DENND2B: variants seen among roughly 807,000 people sequenced by gnomAD.
DENND2B encodes the protein DENN domain-containing protein 2B.
In DENND2B, 32 loss-of-function variants were observed where a neutral mutation model predicts 116.0. The ratio of observed to expected loss-of-function variants is 0.28; its 90% CI spans 0.21 to 0.37. The LOEUF (loss-of-function observed/expected upper bound fraction) is 0.37, where lower values mean the gene tolerates loss of function less well. Ranked by LOEUF, DENND2B falls within the 10% of genes least tolerant of loss-of-function variation. The pLI is 1.00. For missense variants in DENND2B, 1,276 were observed against 1,477.7 expected, an observed-to-expected ratio of 0.86 and a Z score of 2.24; for synonymous variants, 588 against 583.9, an observed-to-expected ratio of 1.01 and a Z score of -0.10.
rs545121675 is a variant in DENND2B at position 8,852,208 on chromosome 11, G to C, written c.-156+5135C>G. ...CATGCAATTTCGGCGTGGCAGAAGG[G>C]CAGGGTGCAAGTGGAGGACTGAAGT... On this transcript the variant is annotated intron_variant, in intron 3 of 6. Transcript: ENST00000524757. Among the ~76,000 whole-genome samples the C allele has an allele frequency of 6.6e-5, 10 of 152,316 alleles. No homozygotes were observed. The South Asian group carries it at 2.1e-3, about 32-fold the overall frequency.
At chr11:8,832,451 C>CGA (rs2062248901) in intron 4 of DENND2B, 1 of 100,662 alleles carries the variant, frequency 9.9e-6, no homozygotes, top group East Asian at 2.6e-4. Flanking sequence ...ACTCTGTCTC[C>CGA]AAAAAAAAAA....
At chr11:8,842,691 T>C (rs776368687) in intron 3 of DENND2B, among the ~76,000 whole-genome samples, 1 of 152,224 alleles carries the variant, frequency 6.6e-6, no homozygotes, top group Non-Finnish European at 1.5e-5. Context: ...CACAGTCTTA[T>C]TTCACTGCAC....
intron 19 of DENND2B, 116 bp downstream of exon 19, chr11:8,695,347 G>A (rs2040171750): frequency 6.1e-6 from 6 of 975,848 alleles, no homozygotes; most frequent in South Asian, 2.8e-5. Flanking sequence ...ATCCTGTTCT[G>A]TCTACAGCCC....
intron 1 of DENND2B, among the ~76,000 whole-genome samples, chr11:8,768,982 A>G (rs748405906): frequency 6.6e-6 from 1 of 152,186 alleles, no homozygotes; most frequent in Non-Finnish European, 1.5e-5. Flanking sequence ...CAGGAACCTC[A>G]TGGAAGAAGC....
In DENND2B at chr11:8,707,407, C is replaced by T. The variant is rs186298993; in HGVS notation, c.2431-182G>A. 8 of 791,618 alleles carry T rather than the reference C, an allele frequency of 1.0e-5. No individual in the cohort carries two copies. In the Admixed American group the frequency reaches 2.4e-4, roughly 24 times the overall value. The allele number at this position is 791,618 out of a possible 1,614,324, so 49.0% of individuals were successfully genotyped here. On this transcript the variant is annotated intron_variant, in intron 12 of 19. Coordinates refer to ENST00000313726, the MANE Select transcript of DENND2B (RefSeq NM_213618.2). This position sits in a 1 kb window ranked among gnomAD's most constrained non-coding sequence, Gnocchi z 4.8. ...CCGTTTTCCTTGGCACTCAGTGACTCCTCTGTTCCCTAACTGGCCTTGCTT... is the reference window on the plus strand; with the variant it reads ...CCGTTTTCCTTGGCACTCAGTGACTTCTCTGTTCCCTAACTGGCCTTGCTT...
At chr11:8,863,983 G>C (rs1566065264) in intron 2 of DENND2B, among the ~76,000 whole-genome samples, 1 of 152,102 alleles carries the variant, frequency 6.6e-6, no homozygotes, top group Non-Finnish European at 1.5e-5. Context: ...GGCAGTCCTG[G>C]AGAAAGACAG....
chr11:8,727,676 C>T (rs750808387), intron 3 of DENND2B, among the ~76,000 whole-genome samples: 50 of 152,326 alleles, frequency 3.3e-4, no homozygotes, highest in Non-Finnish European at 6.5e-4. Flanking sequence ...CATCCAATGG[C>T]TGAGCACAGT....
At chr11:8,790,566 C>T (rs554805034) in intron 1 of DENND2B, among the ~76,000 whole-genome samples, 23 of 151,998 alleles carry the variant, frequency 1.5e-4, no homozygotes, top group Non-Finnish European at 2.6e-4. Flanking sequence ...CCCAAGAGTT[C>T]GAGACCAACC....
chr11:8,808,777 T>C (rs2061110552), intron 1 of DENND2B: 2 of 152,210 alleles, frequency 1.3e-5, no homozygotes, highest in African/African-American at 4.8e-5. Flanking sequence ...TTGTTCTTAT[T>C]ACCTCCATCT....
At chr11:8,747,427 A>G (rs951605901) in intron 2 of DENND2B, among the ~76,000 whole-genome samples, 2 of 151,496 alleles carry the variant, frequency 1.3e-5, no homozygotes, top group East Asian at 1.9e-4. Context: ...ATCTCCTGAG[A>G]GCAGTAAGTG....
chr11:8,725,950 G>T, intron 4 of DENND2B, 123 bp downstream of exon 4: 2 of 1,395,762 alleles, frequency 1.4e-6, no homozygotes, highest in Non-Finnish European at 2.0e-6. Flanking sequence ...ATTCCAGGAG[G>T]AGTTCCAGAA....
chr11:8,851,828 T>C (rs950310324), intron 3 of DENND2B, among the ~76,000 whole-genome samples: 1 of 152,156 alleles, frequency 6.6e-6, no homozygotes, highest in African/African-American at 2.4e-5. Context: ...TATATTTTGG[T>C]ATATATATAA....
chr11:8,868,151 C>T (rs60631733), intron 2 of DENND2B, among the ~76,000 whole-genome samples: 1,940 of 152,296 alleles, frequency 0.013, 49 homozygotes, highest in African/African-American at 0.045. Context: ...GCCCCGTGGT[C>T]ACTCCAACTA....
chr11:8,696,720 C>T (rs535482058), intron 17 of DENND2B, 54 bp from the exon 18 acceptor site: 1 of 1,595,248 alleles, frequency 6.3e-7, no homozygotes, highest in Non-Finnish European at 8.6e-7. Flanking sequence ...GCAAAGCCTT[C>T]CTCAATCTTC....
chr11:8,722,003 G>A (rs2046273596), intron 4 of DENND2B, among the ~76,000 whole-genome samples: 1 of 152,370 alleles, frequency 6.6e-6, no homozygotes, highest in South Asian at 2.1e-4. Context: ...ATTTTTAAGT[G>A]TCAGGCTCAG....
At position 8,854,016 on chromosome 11, in the gene DENND2B, A is replaced by ATTTTTTTTTTT. The variant is rs71059187; in HGVS notation, c.-156+3316_-156+3326dup. Among the ~76,000 whole-genome samples the ATTTTTTTTTTT allele has an allele frequency of 5.1e-4, 32 of 62,768 alleles. 5 individuals carry two copies. Among genetic ancestry groups the ATTTTTTTTTTT allele is most frequent in the African/African-American group, 1.0e-3 (16 of 16,080 alleles). The allele number at this position is 62,768 out of a possible 152,430, so 41.2% of individuals were successfully genotyped here. A position where few individuals can be genotyped will look rare whatever the true frequency, so the allele number is the denominator to read the frequency against. On this transcript the variant is annotated intron_variant, in intron 3 of 6. Transcript: ENST00000524757. ...GGTGAATGCCACCATGCCCCAGTTA[A>ATTTTTTTTTTT]TTTTTTTTTTTTTTTTTTTTTTTTT...
At chr11:8,770,346 C>A (rs2056641126) in intron 1 of DENND2B, among the ~76,000 whole-genome samples, 1 of 152,190 alleles carries the variant, frequency 6.6e-6, no homozygotes, top group Non-Finnish European at 1.5e-5. Flanking sequence ...CCTCGGTTCA[C>A]TCAATTAGTA....
chr11:8,910,129 C>T (rs1036070980), intron 1 of DENND2B, among the ~76,000 whole-genome samples: 1 of 151,812 alleles, frequency 6.6e-6, no homozygotes, highest in Admixed American at 6.6e-5. Context: ...ATATGTGAAT[C>T]CGTACTTCCC....
At chr11:8,821,010 A>G (rs927058705) in intron 4 of DENND2B, among the ~76,000 whole-genome samples, 2 of 151,966 alleles carry the variant, frequency 1.3e-5, no homozygotes, top group Non-Finnish European at 1.5e-5. Context: ...AATTCCAGCT[A>G]CTTAGGAGGC....
Sources: gnomAD v4.1 joint callset for allele counts (sites outside exome capture counted in the v4.1 genomes callset) on GRCh38, gnomAD v4.1.1 for gene constraint, Gnocchi (gnomAD v3.1) non-coding constraint, MANE v1.5 for transcripts, NCBI Gene and HGNC (gene_info 2026-07-23, HGNC 2026-07-21) for gene names.